The following ZHX3 variants were observed in gnomAD, a reference collection of about 807,000 sequenced individuals.
The protein encoded by ZHX3 is zinc fingers and homeoboxes protein 3.
ZHX3 carries 20 observed loss-of-function variants against 64.5 expected under a neutral mutation model. The ratio of observed to expected loss-of-function variants is 0.31; its 90% CI spans 0.22 to 0.45. ZHX3 has a LOEUF of 0.45. ZHX3 is among the 20% of genes least tolerant of loss of function. ZHX3 has a pLI of 1.00. For synonymous variants in ZHX3, 423 were observed against 461.6 expected, an observed-to-expected ratio of 0.92 and a Z score of 1.07; for missense variants, 1,041 against 1,195.8, an observed-to-expected ratio of 0.87 and a Z score of 1.91.
rs547262152 is a variant in ZHX3, at chr20:41,185,306, C to T, written c.2861-105G>A. Reference sequence around the variant, plus strand: ...AGGGTGGCATCACTGGCTTTGAGGACCTCTTAATTCCATGAGCAATGAATG... The same window carrying T: ...AGGGTGGCATCACTGGCTTTGAGGATCTCTTAATTCCATGAGCAATGAATG... On this transcript the variant is annotated intron_variant, in intron 3 of 3. Coordinates refer to ENST00000683867, the MANE Select transcript of ZHX3 (RefSeq NM_001384317.1). The surrounding 1 kb of genome is among the most constrained non-coding windows in gnomAD (Gnocchi z 5.0). 7 of 1,324,996 alleles carry T rather than the reference C, an allele frequency of 5.3e-6. No homozygotes were observed. The highest frequency in any genetic ancestry group is 2.5e-5 in the East Asian group (1 of 40,484). 82.1% of individuals were successfully genotyped at this position (1,324,996 alleles called of 1,614,324 possible).
At chr20:41,238,984 TTCTC>T (rs1173041096) in intron 2 of ZHX3, among the ~76,000 whole-genome samples, 5 of 147,816 alleles carry the variant, frequency 3.4e-5, no homozygotes, top group African/African-American at 1.3e-4. Flanking sequence ...AGGGCCTATT[TTCTC>T]TCTCTTTTTT....
intron 3 of ZHX3, among the ~76,000 whole-genome samples, chr20:41,188,960 G>A (rs1029919731): frequency 3.3e-5 from 5 of 152,128 alleles, no homozygotes; most frequent in African/African-American, 1.2e-4. Context: ...TTTTCTTCTA[G>A]TAGTTTCATA....
chr20:41,317,518 G>A lies in ZHX3; in HGVS notation c.-254C>T, dbSNP rs2045323129. On this transcript the variant is annotated 5_prime_UTR_variant, in exon 1 of 4. Coordinates refer to ENST00000683867, the MANE Select transcript of ZHX3 (RefSeq NM_001384317.1). ...CGTGGCGGGCGCTCACCTGGCAGCG[G>A]CGGCGGTGGCGGCGCCCGCGACCGG... The A allele has an allele frequency of 6.7e-6, 1 of 148,660 alleles. No individual in the cohort carries two copies. Among genetic ancestry groups the A allele is most frequent in the Admixed American group, 6.7e-5 (1 of 14,932 alleles). The allele number at this position is 148,660 out of a possible 1,614,324, so 9.2% of individuals were successfully genotyped here.
At chr20:41,196,410 TA>T (rs57729200) in intron 3 of ZHX3, among the ~76,000 whole-genome samples, 2 of 49,230 alleles carry the variant, frequency 4.1e-5, no homozygotes, top group East Asian at 5.8e-4. Context: ...TATTATATAT[TA>T]TATATAATAT....
intron 2 of ZHX3, among the ~76,000 whole-genome samples, chr20:41,233,163 G>A (rs1278527805): frequency 2.0e-5 from 3 of 152,206 alleles, no homozygotes; most frequent in Non-Finnish European, 4.4e-5. Flanking sequence ...ACATGACCAT[G>A]CAATGCTGAG....
At chr20:41,293,747 TGAA>T (rs1283074096) in intron 1 of ZHX3, among the ~76,000 whole-genome samples, 2 of 152,198 alleles carry the variant, frequency 1.3e-5, no homozygotes, top group Admixed American at 6.5e-5. Context: ...ATCTTAAACC[TGAA>T]GAAGAGGTGA....
At chr20:41,236,556 CG>C (rs1600455872) in intron 2 of ZHX3, among the ~76,000 whole-genome samples, 4 of 152,148 alleles carry the variant, frequency 2.6e-5, no homozygotes, top group Non-Finnish European at 5.9e-5. Flanking sequence ...GCTGGGAAAA[CG>C]GGCTAGCCAT....
intron 1 of ZHX3, among the ~76,000 whole-genome samples, chr20:41,311,275 AG>A (rs2045129095): frequency 6.6e-6 from 1 of 152,110 alleles, no homozygotes; most frequent in Non-Finnish European, 1.5e-5. Flanking sequence ...TAACATTGAT[AG>A]TTTTTTGTGT....
chr20:41,242,691 C>T (rs2041457874), intron 2 of ZHX3, among the ~76,000 whole-genome samples: 1 of 152,140 alleles, frequency 6.6e-6, no homozygotes, highest in Admixed American at 6.6e-5. Flanking sequence ...TCAAAGTTAT[C>T]TCCAAGGATG....
At chr20:41,251,360 A>G (rs1256616560) in intron 2 of ZHX3, among the ~76,000 whole-genome samples, 1 of 152,194 alleles carries the variant, frequency 6.6e-6, no homozygotes, top group African/African-American at 2.4e-5. Flanking sequence ...TCAAAGTGGT[A>G]AAATACTGAT....
intron 1 of ZHX3, among the ~76,000 whole-genome samples, chr20:41,287,274 A>T (rs963884108): frequency 6.6e-6 from 1 of 152,190 alleles, no homozygotes; most frequent in Admixed American, 6.5e-5. Flanking sequence ...CCCAAGTAGC[A>T]GTCAGACTCC....
At chr20:41,199,126 G>T (rs1306960954) in intron 3 of ZHX3, among the ~76,000 whole-genome samples, 2 of 151,944 alleles carry the variant, frequency 1.3e-5, no homozygotes, top group African/African-American at 4.8e-5. Flanking sequence ...TTCATGCATG[G>T]TTTTCCTGAT....
chr20:41,183,589 C>G lies in ZHX3; in HGVS notation c.*1602G>C, dbSNP rs1600690984. 6.6e-6 allele frequency: 1 copy of G among 152,474 alleles called. No homozygotes were observed. Among genetic ancestry groups the G allele is most frequent in the South Asian group, 2.1e-4 (1 of 4,830 alleles). The allele number at this position is 152,474 out of a possible 1,614,324, so 9.4% of individuals were successfully genotyped here. On this transcript the variant is annotated 3_prime_UTR_variant, in exon 4 of 4. Transcript: ENST00000683867. This position sits in a 1 kb window ranked among gnomAD's most constrained non-coding sequence, Gnocchi z 5.3. ...GAGAAGGACGGTCCCTAAAACACCACCAGTGCTTCTTGCCCAAAGCCCTTG... is the reference window on the plus strand; with the variant it reads ...GAGAAGGACGGTCCCTAAAACACCAGCAGTGCTTCTTGCCCAAAGCCCTTG...
chr20:41,315,101 A>G (rs978390624), intron 1 of ZHX3, among the ~76,000 whole-genome samples: 1 of 152,204 alleles, frequency 6.6e-6, no homozygotes, highest in African/African-American at 2.4e-5. Context: ...AGAGACCTGA[A>G]GTAAGGGAGT....
rs1191336763 is a variant in ZHX3, at chr20:41,180,818, C to G, written c.*4373G>C. ...GATTGCCACTTTTCCTCCAGCCACTCTGTCAAAATCAAAACTGGTTGCCTC... is the reference window on the plus strand; with the variant it reads ...GATTGCCACTTTTCCTCCAGCCACTGTGTCAAAATCAAAACTGGTTGCCTC... On this transcript the variant is annotated 3_prime_UTR_variant, in exon 4 of 4. Coordinates refer to ENST00000683867, the MANE Select transcript of ZHX3 (RefSeq NM_001384317.1). The G allele has an allele frequency of 6.6e-6, 1 of 152,250 alleles. No homozygotes were observed. Among genetic ancestry groups the G allele is most frequent in the Non-Finnish European group, 1.5e-5 (1 of 68,082 alleles). 9.4% of individuals were successfully genotyped at this position (152,250 alleles called of 1,614,324 possible).
intron 2 of ZHX3, among the ~76,000 whole-genome samples, chr20:41,243,587 T>C (rs1052056345): frequency 6.6e-6 from 1 of 152,182 alleles, no homozygotes; most frequent in Non-Finnish European, 1.5e-5. Context: ...TATAGTTGGA[T>C]ACCAGACTGA....
intron 1 of ZHX3, among the ~76,000 whole-genome samples, chr20:41,303,382 C>T (rs1278385400): frequency 6.6e-6 from 1 of 152,206 alleles, no homozygotes; most frequent in Admixed American, 6.5e-5. Flanking sequence ...TGGAGTATAA[C>T]TTTTATTCAA....
At chr20:41,315,235 T>C (rs2146852142) in intron 1 of ZHX3, among the ~76,000 whole-genome samples, 1 of 151,010 alleles carries the variant, frequency 6.6e-6, no homozygotes, top group South Asian at 2.1e-4. Context: ...CAGGCTGGAG[T>C]GCGGTGGTGT....
intron 1 of ZHX3, chr20:41,290,491 T>A (rs2044179299): frequency 6.6e-6 from 1 of 152,258 alleles, no homozygotes; most frequent in South Asian, 2.1e-4. Flanking sequence ...CATAGCGTAC[T>A]ACAGCCCTAA....
Sources: allele counts gnomAD v4.1 joint callset (sites outside exome capture counted in the v4.1 genomes callset), GRCh38; gene constraint gnomAD v4.1.1; non-coding constraint Gnocchi (gnomAD v3.1); transcripts MANE v1.5; gene names NCBI Gene and HGNC (gene_info 2026-07-23, HGNC 2026-07-21).